The following FHOD3 variants were observed in gnomAD, a reference collection of about 807,000 sequenced individuals.
FHOD3 encodes the protein formin homology 2 domain containing 3, also known as FH1/FH2 domain-containing protein 3.
In FHOD3, 90 loss-of-function variants were observed where a neutral mutation model predicts 173.0. That is an observed-to-expected ratio of 0.52 (90% CI 0.44 to 0.62). FHOD3 has a LOEUF of 0.62. FHOD3 is among the 20% of genes least tolerant of loss of function. The pLI, the probability that FHOD3 is intolerant of heterozygous loss-of-function variation, is 0.00. For synonymous variants in FHOD3, 828 were observed against 823.0 expected (o/e 1.01, Z -0.10); for missense variants, 1,945 against 2,034.7 (o/e 0.96, Z 0.85).
At position 36,709,282 on chromosome 18, in the gene FHOD3, C is replaced by T. The variant is rs141915411; in HGVS notation, c.2424C>T (p.Asn808=). ...RASLSEKERQ[N]EGVNERDNCS... ...CCCTCAGTGAAAAAGAGAGGCAGAA[C>T]GAGGGGGTGAACGAGAGGGACAACT... Residue 808 remains asparagine (N), a synonymous_variant, in exon 18 of 29, where the codon AAC becomes AAT. Transcript: ENST00000590592. 3.5e-5 allele frequency: 57 copies of T among 1,614,200 alleles called. 2 individuals are homozygous for T. Among genetic ancestry groups the T allele is most frequent in the Middle Eastern group, 3.3e-4 (2 of 6,062 alleles).
At chr18:36,750,842 T>C (rs1286919584) in intron 24 of FHOD3, among the ~76,000 whole-genome samples, 1 of 152,250 alleles carries the variant, frequency 6.6e-6, no homozygotes, top group East Asian at 1.9e-4. Context: ...CATTGGTCTA[T>C]GTGCCTGTTT....
intron 10 of FHOD3, among the ~76,000 whole-genome samples, chr18:36,626,658 A>G (rs1312320040): frequency 2.0e-5 from 3 of 152,228 alleles, no homozygotes; most frequent in African/African-American, 7.2e-5. Flanking sequence ...GTCTGGAAGC[A>G]GGAAGTGCTC....
chr18:36,494,695 T>C (rs775520209), intron 3 of FHOD3, among the ~76,000 whole-genome samples: 4 of 152,188 alleles, frequency 2.6e-5, no homozygotes, highest in African/African-American at 7.2e-5. Flanking sequence ...TTAGCTCTCA[T>C]TGGCTGCTGG....
intron 3 of FHOD3, among the ~76,000 whole-genome samples, chr18:36,428,925 G>C (rs1305949014): frequency 2.6e-5 from 4 of 152,178 alleles, no homozygotes; most frequent in African/African-American, 7.2e-5. Flanking sequence ...GACAGTGTGG[G>C]CTGGCTAGGC....
intron 2 of FHOD3, among the ~76,000 whole-genome samples, chr18:36,368,702 C>T (rs1365630389): frequency 6.6e-6 from 1 of 152,186 alleles, no homozygotes; most frequent in African/African-American, 2.4e-5. Flanking sequence ...CACAGTTCTG[C>T]ATGGCTGGGG....
chr18:36,392,976 C>A (rs1459745780), intron 3 of FHOD3, among the ~76,000 whole-genome samples: 4 of 152,184 alleles, frequency 2.6e-5, no homozygotes, highest in Non-Finnish European at 5.9e-5. Flanking sequence ...AAGTCCTTTG[C>A]CAACTGGAAG....
chr18:36,671,093 A>G (rs75236578), intron 14 of FHOD3, among the ~76,000 whole-genome samples: 1 of 152,346 alleles, frequency 6.6e-6, no homozygotes, highest in East Asian at 1.9e-4. Context: ...TTTTACATGC[A>G]TATGCTGAAC....
chr18:36,433,673 C>T (rs150244550), intron 3 of FHOD3, among the ~76,000 whole-genome samples: 12 of 152,192 alleles, frequency 7.9e-5, no homozygotes, highest in Non-Finnish European at 1.0e-4. Context: ...TTAATACTGT[C>T]GCAGTATCTA....
chr18:36,567,800 TCTCA>T (rs775659670), intron 5 of FHOD3, among the ~76,000 whole-genome samples: 7 of 152,136 alleles, frequency 4.6e-5, no homozygotes, highest in Non-Finnish European at 1.0e-4. Context: ...CTCACATGTT[TCTCA>T]CTCTGTTATC....
intron 5 of FHOD3, among the ~76,000 whole-genome samples, chr18:36,537,837 C>T (rs1305166836): frequency 6.6e-6 from 1 of 152,084 alleles, no homozygotes. Context: ...ACACCATTAA[C>T]CAGGATCTAA....
intron 3 of FHOD3, among the ~76,000 whole-genome samples, chr18:36,424,580 A>G (rs1297402508): frequency 6.6e-6 from 1 of 152,170 alleles, no homozygotes; most frequent in Non-Finnish European, 1.5e-5. Flanking sequence ...CTCAATAAAC[A>G]TTTGTTGAAT....
At chr18:36,426,579 T>TTGTGG (rs1407682056) in intron 3 of FHOD3, among the ~76,000 whole-genome samples, 2 of 152,186 alleles carry the variant, frequency 1.3e-5, no homozygotes, top group Admixed American at 6.5e-5. Flanking sequence ...ATTAACTAGA[T>TTGTGG]GCTTTGAAAG....
In FHOD3 at chr18:36,718,190, C is replaced by T. The variant is rs1364308998; in HGVS notation, c.2892C>T (p.Val964=). The change falls in exon 19 of 29, where the codon GTC becomes GTT. Residue 964 remains valine, a synonymous_variant. Coordinates refer to ENST00000590592, the MANE Select transcript of FHOD3 (RefSeq NM_001281740.3). The part of the protein sequence containing the change: ...ISPDAEPNDK[V]PETAPVQPKT... ...CTGATGCTGAGCCCAATGACAAGGTCCCAGAAACAGCGCCGGTGCAGCCGA... is the reference window on the plus strand; with the variant it reads ...CTGATGCTGAGCCCAATGACAAGGTTCCAGAAACAGCGCCGGTGCAGCCGA... The T allele has an allele frequency of 1.2e-6, 2 of 1,613,598 alleles. No individual in the cohort carries two copies. The highest frequency in any genetic ancestry group is 2.2e-5 in the South Asian group (2 of 91,010).
At chr18:36,643,342 G>T (rs1373788947) in intron 10 of FHOD3, among the ~76,000 whole-genome samples, 1 of 151,868 alleles carries the variant, frequency 6.6e-6, no homozygotes, top group Non-Finnish European at 1.5e-5. Flanking sequence ...CAGCATGCTT[G>T]TGTCAGCCCA....
chr18:36,499,528 CTTAT>C (rs2054918824), intron 3 of FHOD3, among the ~76,000 whole-genome samples: 1 of 152,102 alleles, frequency 6.6e-6, no homozygotes, highest in African/African-American at 2.4e-5. Flanking sequence ...TAGTTTTATT[CTTAT>C]TTATTAGAAG....
At chr18:36,508,355 C>G (rs1347082097) in intron 4 of FHOD3, among the ~76,000 whole-genome samples, 5 of 151,388 alleles carry the variant, frequency 3.3e-5, no homozygotes, top group Admixed American at 1.3e-4. Context: ...TCTGAAACAC[C>G]AAAAGGCACC....
intron 6 of FHOD3, among the ~76,000 whole-genome samples, chr18:36,594,102 G>C (rs2029887512): frequency 6.6e-6 from 1 of 152,186 alleles, no homozygotes; most frequent in African/African-American, 2.4e-5. Context: ...GAAATCTGTG[G>C]CAGCTTCAGT....
chr18:36,408,905 A>G (rs559959964), intron 3 of FHOD3, among the ~76,000 whole-genome samples: 244 of 152,288 alleles, frequency 1.6e-3, no homozygotes, highest in African/African-American at 5.7e-3. Context: ...TGACTGAGGC[A>G]AGTGGTCACA....
At chr18:36,743,658 C>A (rs1229877988) in intron 22 of FHOD3, among the ~76,000 whole-genome samples, 1 of 152,202 alleles carries the variant, frequency 6.6e-6, no homozygotes, top group African/African-American at 2.4e-5. Flanking sequence ...TTAAGCCCAG[C>A]ATGCATTAGC....
Sources: gnomAD v4.1 joint callset for allele counts (sites outside exome capture counted in the v4.1 genomes callset) on GRCh38, gnomAD v4.1.1 for gene constraint, MANE v1.5 for transcripts, NCBI Gene and HGNC (gene_info 2026-07-23, HGNC 2026-07-21) for gene names.